Variants in NRF1 observed in about 807,000 individuals in gnomAD.
The protein encoded by NRF1 is alpha palindromic-binding protein.
In NRF1, 5 loss-of-function variants were observed where a neutral mutation model predicts 58.5. That is an observed-to-expected ratio of 0.09 (90% CI 0.04 to 0.18). The LOEUF (loss-of-function observed/expected upper bound fraction) is 0.18, where lower values mean the gene tolerates loss of function less well. Ranked by LOEUF, NRF1 falls within the 10% of genes least tolerant of loss-of-function variation. The pLI, the probability that NRF1 is intolerant of heterozygous loss-of-function variation, is 1.00. For synonymous variants in NRF1, 224 were observed against 246.7 expected (o/e 0.91, Z 0.86); for missense variants, 288 against 657.7 (o/e 0.44, Z 6.15).
At chr7:129,694,189 TAAAAC>T (rs949410385) in intron 5 of NRF1, among the ~76,000 whole-genome samples, 2 of 152,080 alleles carry the variant, frequency 1.3e-5, no homozygotes, top group African/African-American at 4.8e-5. Context: ...ACAAATAAAA[TAAAAC>T]AAACAAATGA....
At chr7:129,665,550 A>G (rs907105703) in intron 2 of NRF1, among the ~76,000 whole-genome samples, 6 of 152,264 alleles carry the variant, frequency 3.9e-5, no homozygotes, top group Admixed American at 6.5e-5. Context: ...GAAATCTTCA[A>G]GTAATAAAAA....
chr7:129,661,399 T>C (rs1181429934), intron 2 of NRF1, among the ~76,000 whole-genome samples: 1 of 151,250 alleles, frequency 6.6e-6, no homozygotes, highest in East Asian at 1.9e-4. Context: ...GGCTGCAAAT[T>C]TTCCAAACTT....
At chr7:129,707,888 C>T (rs866762106) in intron 5 of NRF1, among the ~76,000 whole-genome samples, 10 of 152,038 alleles carry the variant, frequency 6.6e-5, no homozygotes, top group South Asian at 2.1e-4. Flanking sequence ...ATCATCTTCT[C>T]GTAAAATAAT....
chr7:129,614,829 T>C (rs1181088184), intron 1 of NRF1, among the ~76,000 whole-genome samples: 1 of 152,206 alleles, frequency 6.6e-6, no homozygotes, highest in Non-Finnish European at 1.5e-5. Flanking sequence ...TCTAATTTTG[T>C]TAGGGAACCG....
At chr7:129,674,640 G>A (rs1439173407) in intron 3 of NRF1, among the ~76,000 whole-genome samples, 1 of 152,064 alleles carries the variant, frequency 6.6e-6, no homozygotes, top group East Asian at 1.9e-4. Flanking sequence ...TCACTATGTT[G>A]CCCAGGCTGG....
At chr7:129,652,159 C>A (rs1801550914) in intron 1 of NRF1, among the ~76,000 whole-genome samples, 1 of 152,054 alleles carries the variant, frequency 6.6e-6, no homozygotes, top group African/African-American at 2.4e-5. Context: ...AGAAAGACTT[C>A]TATAGTAGAG....
intron 6 of NRF1, among the ~76,000 whole-genome samples, 190 bp from the exon 7 acceptor site, chr7:129,710,184 A>G (rs1290596618): frequency 6.6e-6 from 1 of 152,192 alleles, no homozygotes; most frequent in Non-Finnish European, 1.5e-5. Flanking sequence ...ACCAATGAGA[A>G]GCCCTCTTTG....
At chr7:129,690,684 G>A in intron 5 of NRF1, 138 bp downstream of exon 5, 1 of 874,122 alleles carries the variant, frequency 1.1e-6, no homozygotes, top group Non-Finnish European at 1.7e-6. Flanking sequence ...TAGTGAAACA[G>A]TAGCAGCCTT....
intron 6 of NRF1, 84 bp downstream of exon 6, chr7:129,709,317 G>A (rs999892545): frequency 8.3e-7 from 1 of 1,207,224 alleles, no homozygotes; most frequent in African/African-American, 1.5e-5. Context: ...TACATCTTGT[G>A]CTAGAAAGTC....
chr7:129,684,803 A>G (rs890488181), intron 4 of NRF1, among the ~76,000 whole-genome samples: 3 of 152,210 alleles, frequency 2.0e-5, no homozygotes, highest in African/African-American at 2.4e-5. Context: ...ACATATAACT[A>G]TTTAACACTA....
intron 1 of NRF1, among the ~76,000 whole-genome samples, chr7:129,653,100 G>A (rs1038599715): frequency 6.6e-6 from 1 of 152,104 alleles, no homozygotes; most frequent in African/African-American, 2.4e-5. Context: ...CCAGCCCCTG[G>A]CGACTAATAG....
intron 10 of NRF1, among the ~76,000 whole-genome samples, chr7:129,735,973 A>G (rs918824081): frequency 2.0e-5 from 3 of 152,226 alleles, no homozygotes; most frequent in African/African-American, 7.2e-5. Flanking sequence ...ACTGCAGTCC[A>G]GCCTGGGTGA....
At chr7:129,744,279 T>C (rs1803919889) in intron 10 of NRF1, 2 of 1,494,420 alleles carry the variant, frequency 1.3e-6, no homozygotes, top group East Asian at 2.5e-5. Flanking sequence ...ATAGAGTCAC[T>C]GTGAGGCTGT....
chr7:129,750,575 A>C (rs1457724497), intron 10 of NRF1, among the ~76,000 whole-genome samples: 1 of 152,206 alleles, frequency 6.6e-6, no homozygotes, highest in Non-Finnish European at 1.5e-5. Context: ...TTGGGGTTCC[A>C]AGGCATGCGA....
At chr7:129,622,497 A>G (rs1034048630) in intron 1 of NRF1, among the ~76,000 whole-genome samples, 86 of 152,182 alleles carry the variant, frequency 5.7e-4, no homozygotes, top group African/African-American at 1.8e-3. Flanking sequence ...AAAACAGAAG[A>G]AAATTAAAGA....
intron 8 of NRF1, among the ~76,000 whole-genome samples, chr7:129,713,327 G>C (rs1803119393): frequency 6.6e-6 from 1 of 152,040 alleles, no homozygotes; most frequent in Admixed American, 6.6e-5. Flanking sequence ...TTGACCTCAT[G>C]ATCCGCCTGC....
intron 3 of NRF1, among the ~76,000 whole-genome samples, chr7:129,676,792 A>G (rs557505592): frequency 9.8e-5 from 15 of 152,348 alleles, no homozygotes; most frequent in African/African-American, 3.1e-4. Context: ...AATTTGTTTT[A>G]AAGAAAGATC....
chr7:129,641,691 T>C (rs1470735284), intron 1 of NRF1: 2 of 152,186 alleles, frequency 1.3e-5, no homozygotes, highest in East Asian at 3.8e-4. Flanking sequence ...TATTTATTTA[T>C]TTTTTTGAAA....
rs374383795 is a variant in NRF1, at chr7:129,641,109, A to G, written c.-6-16237A>G. 2.4e-4 allele frequency among the ~76,000 whole-genome samples: 37 copies of G among 151,998 alleles called. No individual in the cohort carries two copies. In the South Asian group the frequency reaches 6.0e-3, roughly 25 times the overall value. On this transcript the variant is annotated intron_variant, in intron 1 of 10. Coordinates refer to ENST00000393232, the MANE Select transcript of NRF1 (RefSeq NM_005011.5). ...GACAGCCTTTAAAAACTTTTTCACT[A>G]TTTCTGTTTTTAGCTTCACTTGTGG...
Sources: gnomAD v4.1 joint callset for allele counts (sites outside exome capture counted in the v4.1 genomes callset) on GRCh38, gnomAD v4.1.1 for gene constraint, MANE v1.5 for transcripts, NCBI Gene and HGNC (gene_info 2026-07-23, HGNC 2026-07-21) for gene names.